SYNE1: variants seen among roughly 807,000 people sequenced by gnomAD.
SYNE1 encodes the protein spectrin repeat containing nuclear envelope protein 1, also known as nesprin-1.
In SYNE1, 616 loss-of-function variants were observed where a neutral mutation model predicts 1,111.0. The ratio of observed to expected loss-of-function variants is 0.55; its 90% CI spans 0.52 to 0.59. The LOEUF is 0.59. Ranked by LOEUF, SYNE1 falls within the 20% of genes least tolerant of loss-of-function variation. SYNE1 has a pLI of 0.00. For missense variants in SYNE1, 10,006 were observed against 10,417.0 expected, an observed-to-expected ratio of 0.96 and a Z score of 1.72; for synonymous variants, 3,855 against 3,825.8, an observed-to-expected ratio of 1.01 and a Z score of -0.28.
chr6:152,226,324 T>C (rs1341429387), intron 115 of SYNE1, among the ~76,000 whole-genome samples: 1 of 151,834 alleles, frequency 6.6e-6, no homozygotes, highest in Non-Finnish European at 1.5e-5. Context: ...ACTACTCACC[T>C]ACCCAAAGCT....
At chr6:152,259,053 C>T (rs574815840) in intron 101 of SYNE1, among the ~76,000 whole-genome samples, 113 of 152,188 alleles carry the variant, frequency 7.4e-4, no homozygotes, top group African/African-American at 2.6e-3. Flanking sequence ...CCATCAGTCT[C>T]TTTTGACTTT....
intron 32 of SYNE1, among the ~76,000 whole-genome samples, chr6:152,438,847 T>C (rs1056474822): frequency 2.6e-5 from 4 of 152,296 alleles, no homozygotes; most frequent in African/African-American, 4.8e-5. Flanking sequence ...TGATTCTAGA[T>C]TGGCAGTGAG....
intron 127 of SYNE1, among the ~76,000 whole-genome samples, chr6:152,200,746 C>G (rs1190524784): frequency 6.6e-6 from 1 of 152,166 alleles, no homozygotes; most frequent in Non-Finnish European, 1.5e-5. Flanking sequence ...GCTTTTTAAT[C>G]TTTGTAACCA....
intron 133 of SYNE1, among the ~76,000 whole-genome samples, chr6:152,152,559 A>G (rs1339836254): frequency 1.3e-5 from 2 of 152,222 alleles, no homozygotes; most frequent in Non-Finnish European, 2.9e-5. Flanking sequence ...TTCTGCTGTC[A>G]ATATGGAGAA....
At chr6:152,463,129 C>T (rs2098743964) in intron 19 of SYNE1, among the ~76,000 whole-genome samples, 1 of 152,114 alleles carries the variant, frequency 6.6e-6, no homozygotes, top group Admixed American at 6.6e-5. Context: ...AAGTAGGCTC[C>T]ATATGTCAAC....
chr6:152,581,888 C>G (rs1385809749), intron 3 of SYNE1, among the ~76,000 whole-genome samples: 1 of 152,184 alleles, frequency 6.6e-6, no homozygotes, highest in African/African-American at 2.4e-5. Flanking sequence ...ATTCACTCTT[C>G]TTGTGAACAC....
chr6:152,597,866 A>G (rs1233117949), intron 3 of SYNE1, among the ~76,000 whole-genome samples: 1 of 152,046 alleles, frequency 6.6e-6, no homozygotes, highest in Non-Finnish European at 1.5e-5. Context: ...AGTGAGTATT[A>G]TTTACTTTTT....
intron 42 of SYNE1, among the ~76,000 whole-genome samples, chr6:152,411,727 A>AC (rs935214512): frequency 4.0e-5 from 6 of 149,444 alleles, no homozygotes; most frequent in Non-Finnish European, 8.9e-5. Context: ...ACACACACAC[A>AC]CCCCCACACA....
chr6:152,199,788 T>A (rs1315747915), intron 127 of SYNE1, among the ~76,000 whole-genome samples: 1 of 152,216 alleles, frequency 6.6e-6, no homozygotes, highest in African/African-American at 2.4e-5. Context: ...TTAGCCTGAA[T>A]TTTCCAGGTA....
intron 131 of SYNE1, among the ~76,000 whole-genome samples, chr6:152,162,555 C>G (rs981668548): frequency 6.6e-6 from 1 of 152,194 alleles, no homozygotes; most frequent in Non-Finnish European, 1.5e-5. Context: ...ACCATGTTCT[C>G]TGGAAGAATC....
Position 152,233,857 on chromosome 6 carries a change from G to T in SYNE1, c.20636C>A (p.Ser6879Tyr), listed in dbSNP as rs769820392. 2 of 1,614,198 alleles carry T rather than the reference G, an allele frequency of 1.2e-6. No individual in the cohort carries two copies. Among genetic ancestry groups the T allele is most frequent in the African/African-American group, 2.7e-5 (2 of 75,062 alleles). Reference protein sequence around the residue: ...LKKVDTATLRSELSRIDSQWT... With the variant: ...LKKVDTATLRYELSRIDSQWT... The stretch of plus-strand genomic sequence containing the variant: ...CTGGCTATCAATGCGCGACAGCTCA[G>T]AGCGCAGCGTGGCTGTGTCCACCTT... Residue 6879 changes from serine (S) to tyrosine (Y), a missense_variant, in exon 112 of 146, where the codon TCT becomes TAT. Ser to Tyr is a moderately radical substitution (Grantham distance 144). Coordinates refer to ENST00000367255, the MANE Select transcript of SYNE1 (RefSeq NM_182961.4).
At chr6:152,299,998 A>G (rs1159028429) in intron 93 of SYNE1, among the ~76,000 whole-genome samples, 1 of 152,224 alleles carries the variant, frequency 6.6e-6, no homozygotes, top group Non-Finnish European at 1.5e-5. Flanking sequence ...AAGCTTTTTG[A>G]CATTTAATTT....
At chr6:152,546,021 T>C (rs2099310924) in intron 3 of SYNE1, 1 of 152,010 alleles carries the variant, frequency 6.6e-6, no homozygotes, top group Non-Finnish European at 1.5e-5. Context: ...ATGACGTGAA[T>C]ACAAAGGGGA....
intron 81 of SYNE1, among the ~76,000 whole-genome samples, chr6:152,324,548 C>T (rs554753122): frequency 1.3e-5 from 2 of 152,296 alleles, no homozygotes; most frequent in East Asian, 3.9e-4. Context: ...AATCCCAGCA[C>T]TTGGCGGGGG....
At chr6:152,504,776 A>G (rs2099048862) in intron 9 of SYNE1, among the ~76,000 whole-genome samples, 1 of 152,216 alleles carries the variant, frequency 6.6e-6, no homozygotes, top group Non-Finnish European at 1.5e-5. Flanking sequence ...ATATTAGTCA[A>G]ACATTTGTGA....
At chr6:152,475,637 T>G (rs2098830611) in intron 14 of SYNE1, among the ~76,000 whole-genome samples, 1 of 152,158 alleles carries the variant, frequency 6.6e-6, no homozygotes, top group Admixed American at 6.5e-5. Flanking sequence ...CCCATTAAAC[T>G]TCAAAATATA....
At chr6:152,369,268 C>T (rs552037931) in intron 60 of SYNE1, 141 bp from the exon 61 acceptor site, 38 of 1,339,106 alleles carry the variant, frequency 2.8e-5, no homozygotes, top group South Asian at 7.5e-5. Context: ...ATCTACACAC[C>T]GTGGAGCACA....
At chr6:152,260,529 C>A (rs574390244) in intron 101 of SYNE1, among the ~76,000 whole-genome samples, 1 of 152,138 alleles carries the variant, frequency 6.6e-6, no homozygotes, top group South Asian at 2.1e-4. Context: ...AGCCTCCTGG[C>A]CAGAGAGGGA....
chr6:152,236,538 T>C (rs1219356818), intron 109 of SYNE1, among the ~76,000 whole-genome samples: 2 of 152,060 alleles, frequency 1.3e-5, no homozygotes, highest in East Asian at 3.8e-4. Context: ...TTTAAAACTG[T>C]CAAATTATTA....
Sources: allele counts gnomAD v4.1 joint callset (sites outside exome capture counted in the v4.1 genomes callset), GRCh38; gene constraint gnomAD v4.1.1; transcripts MANE v1.5; gene names NCBI Gene and HGNC (gene_info 2026-07-23, HGNC 2026-07-21).